The following NEK10 variants were observed in gnomAD, a reference collection of about 807,000 sequenced individuals.
NEK10 encodes serine/threonine-protein kinase Nek10.
Under a neutral mutation model 159.8 loss-of-function variants are expected in NEK10, and 122 were observed. That is an observed-to-expected ratio of 0.76 (90% CI 0.66 to 0.89). The LOEUF (loss-of-function observed/expected upper bound fraction) is 0.89. Ranked by LOEUF, NEK10 falls within the 40% of genes least tolerant of loss-of-function variation. The pLI is 0.00. For missense variants in NEK10, 1,342 were observed against 1,323.1 expected, an observed-to-expected ratio of 1.01 and a Z score of -0.22; for synonymous variants, 466 against 457.1, an observed-to-expected ratio of 1.02 and a Z score of -0.25.
intron 31 of NEK10, among the ~76,000 whole-genome samples, chr3:27,133,809 T>G (rs1942888151): frequency 6.6e-6 from 1 of 152,164 alleles, no homozygotes; most frequent in Non-Finnish European, 1.5e-5. Context: ...TCCTAGTGTT[T>G]GAGTCAAAAT....
rs144586161 is a variant in NEK10 at position 27,357,613 on chromosome 3, A to C, written c.-37-4694T>G. Among the ~76,000 whole-genome samples the C allele has an allele frequency of 3.0e-4, 45 of 152,336 alleles. No homozygotes were observed. In the East Asian group the frequency reaches 8.5e-3, roughly 29 times the overall value. ...GGTGATGTGCCTAAGATGTCATGGC[A>C]ATGCTGAAGTGCTGTAAATATTTCT... On this transcript the variant is annotated intron_variant, in intron 1 of 35. Transcript: ENST00000691995.
At chr3:27,367,697 C>A (rs2049197471) in intron 1 of NEK10, 1 of 152,178 alleles carries the variant, frequency 6.6e-6, no homozygotes, top group African/African-American at 2.4e-5. Context: ...ACAATAGTGA[C>A]TGAGACAAAG....
intron 28 of NEK10, among the ~76,000 whole-genome samples, chr3:27,173,034 CAA>C (rs1947160532): frequency 6.6e-6 from 1 of 152,090 alleles, no homozygotes; most frequent in African/African-American, 2.4e-5. Context: ...CAACAAAAAA[CAA>C]TACTGAATTT....
At chr3:27,124,653 A>T (rs1941731805) in intron 32 of NEK10, among the ~76,000 whole-genome samples, 1 of 152,206 alleles carries the variant, frequency 6.6e-6, no homozygotes, top group South Asian at 2.1e-4. Flanking sequence ...AGCGGGTAAA[A>T]GAAATGAAGC....
At chr3:27,125,276 A>C (rs1027445414) in intron 32 of NEK10, among the ~76,000 whole-genome samples, 8 of 152,198 alleles carry the variant, frequency 5.3e-5, no homozygotes, top group African/African-American at 1.9e-4. Flanking sequence ...ATATTTATTA[A>C]ATTTCCCAAA....
chr3:27,142,288 T>C lies in NEK10; in HGVS notation c.2870-706A>G, dbSNP rs140847045. Among the ~76,000 whole-genome samples the C allele has an allele frequency of 1.7e-3, 256 of 152,300 alleles. 3 individuals carry two copies. Among genetic ancestry groups the C allele is most frequent in the East Asian group, 0.014 (75 of 5,186 alleles). On this transcript the variant is annotated intron_variant, in intron 30 of 35. Coordinates refer to ENST00000691995, the MANE Select transcript of NEK10 (RefSeq NM_001394966.1). ...CAGTCTGTTCTTAACCTGAGGACTA[T>C]AAAACTATTTAAAGGAATGACTCTT...
chr3:27,186,089 G>C (rs1009889177), intron 26 of NEK10, among the ~76,000 whole-genome samples: 1 of 152,194 alleles, frequency 6.6e-6, no homozygotes, highest in South Asian at 2.1e-4. Context: ...TGGACTTGCC[G>C]AGCATAAGTA....
intron 1 of NEK10, among the ~76,000 whole-genome samples, chr3:27,359,193 C>G (rs1349253665): frequency 6.4e-5 from 5 of 78,678 alleles, no homozygotes; most frequent in Admixed American, 1.5e-4. Context: ...CAGAATGAAA[C>G]TCCATTTCAA....
intron 8 of NEK10, 74 bp downstream of exon 8, chr3:27,312,025 T>G: frequency 1.1e-6 from 1 of 928,766 alleles, no homozygotes. Context: ...GTATCCTTGT[T>G]TCCTGCTGCA....
Position 27,131,897 on chromosome 3 carries a change from TCAA to T in NEK10, c.3061_3063del (p.Leu1021del), listed in dbSNP as rs1672426862. 2 of 1,584,234 alleles carry T rather than the reference TCAA, an allele frequency of 1.3e-6. No homozygotes were observed. The highest frequency in any genetic ancestry group is 2.2e-5 in the South Asian group (2 of 90,270). ...TACCATACCTTTTTAATTTCAGATT[TCAA>T]ATTACAAGGGTTACTCTGCTGGCTG... On this transcript the variant is annotated inframe_deletion, in exon 32 of 36. Coordinates refer to ENST00000691995, the MANE Select transcript of NEK10 (RefSeq NM_001394966.1).
chr3:27,336,395 C>T (rs2046804889), intron 5 of NEK10, among the ~76,000 whole-genome samples: 1 of 152,132 alleles, frequency 6.6e-6, no homozygotes, highest in Admixed American at 6.5e-5. Flanking sequence ...GGTGGATTCA[C>T]TGCTGAATTC....
intron 26 of NEK10, among the ~76,000 whole-genome samples, chr3:27,182,166 T>C (rs1037914626): frequency 3.3e-5 from 5 of 152,186 alleles, no homozygotes; most frequent in African/African-American, 1.2e-4. Context: ...ATATACTGTA[T>C]TCTTGAAAAA....
At chr3:27,344,810 A>G (rs2047441171) in intron 4 of NEK10, among the ~76,000 whole-genome samples, 1 of 152,198 alleles carries the variant, frequency 6.6e-6, no homozygotes, top group Admixed American at 6.5e-5. Context: ...TGATCTTGCT[A>G]TCAACACCAG....
intron 8 of NEK10, 101 bp downstream of exon 8, chr3:27,311,998 A>G (rs1217821114): frequency 2.6e-6 from 2 of 779,392 alleles, no homozygotes; most frequent in South Asian, 1.5e-5. Flanking sequence ...GTGTGCGAAC[A>G]TTAATAAATA....
chr3:27,191,862 A>C (rs1949147689), intron 26 of NEK10, among the ~76,000 whole-genome samples, 167 bp downstream of exon 26: 1 of 152,248 alleles, frequency 6.6e-6, no homozygotes, highest in Admixed American at 6.5e-5. Flanking sequence ...ATTTATTTTA[A>C]TTTGTATATA....
chr3:27,115,846 A>G, intron 35 of NEK10, 94 bp downstream of exon 35: 1 of 913,898 alleles, frequency 1.1e-6, no homozygotes, highest in Non-Finnish European at 1.7e-6. Context: ...AATCTGAAAA[A>G]AAATCCCTCT....
Position 27,129,061 on chromosome 3 carries a change from T to G in NEK10, c.3081+2819A>C, listed in dbSNP as rs191629977. On this transcript the variant is annotated intron_variant, in intron 32 of 35. Coordinates refer to ENST00000691995, the MANE Select transcript of NEK10 (RefSeq NM_001394966.1). ...AGATGAATCTCTGCTATCTTGCTTC[T>G]GTTTCCCCTTTCCTCCATGCTGAAA... Among the ~76,000 whole-genome samples, 5 of 152,282 alleles carry G rather than the reference T, an allele frequency of 3.3e-5. No individual in the cohort carries two copies. The East Asian group carries it at 9.6e-4, about 29-fold the overall frequency.
chr3:27,256,283 G>A lies in NEK10; in HGVS notation c.2090+13C>T. 1 of 1,359,852 alleles carries A rather than the reference G, an allele frequency of 7.4e-7. No homozygotes were observed. 84.2% of individuals were successfully genotyped at this position (1,359,852 alleles called of 1,614,324 possible). A position where few individuals can be genotyped will look rare whatever the true frequency, so the allele number is the denominator to read the frequency against. Reference sequence around the variant, plus strand: ...AGTATGATGTTTGAGAGCCATAAAAGAATTGTCCTTACCAAGAATACAGGA... The same window carrying A: ...AGTATGATGTTTGAGAGCCATAAAAAAATTGTCCTTACCAAGAATACAGGA... On this transcript the variant is annotated intron_variant, in intron 23 of 35. Coordinates refer to ENST00000691995, the MANE Select transcript of NEK10 (RefSeq NM_001394966.1).
chr3:27,264,591 T>C (rs2040720866), intron 22 of NEK10, among the ~76,000 whole-genome samples: 1 of 151,988 alleles, frequency 6.6e-6, no homozygotes, highest in Non-Finnish European at 1.5e-5. Context: ...CCAAAATAAT[T>C]TTCAAATAAA....
Sources: gnomAD v4.1 joint callset for allele counts (sites outside exome capture counted in the v4.1 genomes callset) on GRCh38, gnomAD v4.1.1 for gene constraint, MANE v1.5 for transcripts, NCBI Gene and HGNC (gene_info 2026-07-23, HGNC 2026-07-21) for gene names.